GRIP1: variants seen among roughly 807,000 people sequenced by gnomAD.
GRIP1 encodes glutamate receptor-interacting protein 1.
Under a neutral mutation model 129.9 loss-of-function variants are expected in GRIP1, and 45 were observed. The observed-to-expected ratio is 0.35, with a 90% CI of 0.27 to 0.44. GRIP1 has a LOEUF of 0.44. Among genes scored for constraint, GRIP1 ranks in the 20% least tolerant of loss-of-function variants. The pLI, the probability that GRIP1 is intolerant of heterozygous loss-of-function variation, is 1.00. For missense variants in GRIP1, 1,196 were observed against 1,396.8 expected (o/e 0.86, Z 2.29); for synonymous variants, 530 against 520.8 (o/e 1.02, Z -0.24).
chr12:66,821,204 C>T (rs568408930), intron 1 of GRIP1, among the ~76,000 whole-genome samples: 1 of 152,250 alleles, frequency 6.6e-6, no homozygotes, highest in South Asian at 2.1e-4. Flanking sequence ...AAAAATCAAC[C>T]TAGCCCTTTT....
chr12:66,818,613 T>C (rs995589028), intron 1 of GRIP1, among the ~76,000 whole-genome samples: 20 of 152,244 alleles, frequency 1.3e-4, no homozygotes, highest in African/African-American at 4.8e-4. Context: ...AACAGAGTGC[T>C]TTAAAAGTAC....
At chr12:66,725,995 G>T (rs548513774) in intron 1 of GRIP1, among the ~76,000 whole-genome samples, 1 of 152,228 alleles carries the variant, frequency 6.6e-6, no homozygotes, top group Non-Finnish European at 1.5e-5. Context: ...GTCAAAACCA[G>T]AAACAGATCT....
At chr12:66,835,665 A>T (rs145554410) in intron 1 of GRIP1, among the ~76,000 whole-genome samples, 4 of 152,242 alleles carry the variant, frequency 2.6e-5, no homozygotes, top group Non-Finnish European at 5.9e-5. Flanking sequence ...AAGGCTGCAT[A>T]CCATATGATT....
rs76510557 is a variant in GRIP1, at chr12:66,696,103, A to C, written c.-419-65767T>G. 3.2e-3 allele frequency among the ~76,000 whole-genome samples: 493 copies of C among 152,296 alleles called. 2 individuals are homozygous for C. The highest frequency in any genetic ancestry group is 0.011 in the African/African-American group (471 of 41,560). On this transcript the variant is annotated intron_variant, in intron 1 of 4. Transcript: ENST00000538373. Reference sequence around the variant, plus strand: ...AGGCATAAAATGGAATAAGCTAATGATTAGCAAAATTACTATTATCTCAAA... The same window carrying C: ...AGGCATAAAATGGAATAAGCTAATGCTTAGCAAAATTACTATTATCTCAAA...
chr12:66,750,345 T>C (rs2037085900), intron 1 of GRIP1, among the ~76,000 whole-genome samples: 2 of 152,224 alleles, frequency 1.3e-5, no homozygotes, highest in African/African-American at 4.8e-5. Context: ...AGTTTGAGTC[T>C]GAGTTTCAGT....
At chr12:66,690,518 ATTTC>A (rs2034944110) in intron 1 of GRIP1, among the ~76,000 whole-genome samples, 1 of 151,518 alleles carries the variant, frequency 6.6e-6, no homozygotes, top group African/African-American at 2.4e-5. Context: ...TGCCGATTTC[ATTTC>A]TTTTGGATAT....
At chr12:66,509,990 T>C (rs978080250) in intron 7 of GRIP1, among the ~76,000 whole-genome samples, 6 of 150,806 alleles carry the variant, frequency 4.0e-5, no homozygotes. Context: ...ATGCTTTCCT[T>C]ATACTTTTAT....
chr12:66,679,559 C>A (rs1220879658), upstream of GRIP1, among the ~76,000 whole-genome samples: 1 of 151,692 alleles, frequency 6.6e-6, no homozygotes, highest in Non-Finnish European at 1.5e-5. Context: ...ACAGAGACCT[C>A]TTTGGTACTT....
chr12:66,584,957 C>T (rs1047977515), intron 2 of GRIP1, among the ~76,000 whole-genome samples: 13 of 152,092 alleles, frequency 8.5e-5, no homozygotes, highest in African/African-American at 3.1e-4. Context: ...GTAGCACCCT[C>T]CTGCCTCTAT....
chr12:66,397,204 C>T (rs1436439413), intron 16 of GRIP1, among the ~76,000 whole-genome samples: 1 of 143,618 alleles, frequency 7.0e-6, no homozygotes, highest in African/African-American at 2.6e-5. Context: ...TCTAATAAAA[C>T]CAACTGTTAT....
intron 1 of GRIP1, among the ~76,000 whole-genome samples, chr12:66,871,139 G>C (rs2040288955): frequency 1.1e-5 from 1 of 95,108 alleles, no homozygotes; most frequent in South Asian, 3.9e-4. Flanking sequence ...AATTGGTGTA[G>C]GTTGGGAAGA....
chr12:66,903,772 T>C (rs968864828), intron 1 of GRIP1, among the ~76,000 whole-genome samples: 112 of 152,296 alleles, frequency 7.4e-4, no homozygotes, highest in African/African-American at 2.6e-3. Flanking sequence ...ATATTAACAA[T>C]AGACAATAAA....
chr12:66,923,668 C>T (rs1327331520), intron 1 of GRIP1, among the ~76,000 whole-genome samples: 1 of 152,154 alleles, frequency 6.6e-6, no homozygotes, highest in Non-Finnish European at 1.5e-5. Flanking sequence ...GAGTAAGAAC[C>T]CAGTTCCAGA....
At chr12:66,506,521 T>C (rs2060531618) in intron 7 of GRIP1, among the ~76,000 whole-genome samples, 1 of 152,184 alleles carries the variant, frequency 6.6e-6, no homozygotes, top group African/African-American at 2.4e-5. Flanking sequence ...AGACAGGGGT[T>C]ACACATGGGG....
At chr12:66,865,906 A>G (rs1210042728) in intron 1 of GRIP1, among the ~76,000 whole-genome samples, 1 of 152,042 alleles carries the variant, frequency 6.6e-6, no homozygotes, top group East Asian at 1.9e-4. Context: ...TTTTCCTTCT[A>G]TATGTAACTC....
chr12:66,696,759 C>T lies in GRIP1; in HGVS notation c.-419-66423G>A, dbSNP rs887978471. Among the ~76,000 whole-genome samples the T allele has an allele frequency of 9.2e-5, 13 of 142,020 alleles. No homozygotes were observed. The East Asian group carries it at 2.5e-3, about 28-fold the overall frequency. The allele number at this position is 142,020 out of a possible 152,430, so 93.2% of individuals were successfully genotyped here. ...GGCAGAGCTTGCAGTAAGCTGAGATCGCACCACTGCACTCCAGCCTGGGTG... is the reference window on the plus strand; with the variant it reads ...GGCAGAGCTTGCAGTAAGCTGAGATTGCACCACTGCACTCCAGCCTGGGTG... On this transcript the variant is annotated intron_variant, in intron 1 of 4. Coordinates refer to the GRIP1 transcript ENST00000538373.
At chr12:66,900,530 AACTG>A (rs1330903627) in intron 1 of GRIP1, among the ~76,000 whole-genome samples, 2 of 152,190 alleles carry the variant, frequency 1.3e-5, no homozygotes, top group African/African-American at 4.8e-5. Flanking sequence ...TCTTAGCCTG[AACTG>A]ACTAAAACAG....
chr12:67,016,637 G>A (rs2042792170), intron 1 of GRIP1, among the ~76,000 whole-genome samples: 1 of 152,094 alleles, frequency 6.6e-6, no homozygotes, highest in Non-Finnish European at 1.5e-5. Flanking sequence ...TTGGAAAAAG[G>A]GAATTAAAGT....
At chr12:66,383,194 G>A (rs1390035875) in intron 19 of GRIP1, among the ~76,000 whole-genome samples, 1 of 152,022 alleles carries the variant, frequency 6.6e-6, no homozygotes, top group East Asian at 1.9e-4. Flanking sequence ...CTACTCTGGA[G>A]GCTGAGGCAG....
Sources: allele counts gnomAD v4.1 joint callset (sites outside exome capture counted in the v4.1 genomes callset), GRCh38; gene constraint gnomAD v4.1.1; transcripts MANE v1.5; gene names NCBI Gene and HGNC (gene_info 2026-07-23, HGNC 2026-07-21).